Variants in VDAC2 observed in about 807,000 individuals in gnomAD.
VDAC2 encodes the protein non-selective voltage-gated ion channel VDAC2.
In VDAC2, 6 loss-of-function variants were observed where a neutral mutation model predicts 36.6. The observed-to-expected ratio is 0.16, with a 90% CI of 0.09 to 0.32. The LOEUF (loss-of-function observed/expected upper bound fraction) is 0.32, where lower values mean the gene tolerates loss of function less well. Among genes scored for constraint, VDAC2 ranks in the 10% least tolerant of loss-of-function variants. The pLI, the probability that VDAC2 is intolerant of heterozygous loss-of-function variation, is 1.00. For missense variants in VDAC2, 247 were observed against 346.0 expected (o/e 0.71, Z 2.27); for synonymous variants, 109 against 123.8 (o/e 0.88, Z 0.79).
At chr10:75,221,141 T>C in intron 7 of VDAC2, 171 bp downstream of exon 7, 1 of 627,484 alleles carries the variant, frequency 1.6e-6, no homozygotes, top group Non-Finnish European at 2.7e-6. Context: ...TAGAAGACTG[T>C]TAGTCTGACC....
intron 8 of VDAC2, among the ~76,000 whole-genome samples, chr10:75,226,258 CAG>C (rs1203087318): frequency 6.7e-6 from 1 of 149,822 alleles, no homozygotes; most frequent in African/African-American, 2.5e-5. Flanking sequence ...TGTTTGAAAC[CAG>C]GGGGTGGCCT....
chr10:75,217,440 C>T (rs1454077375), intron 4 of VDAC2, among the ~76,000 whole-genome samples: 2 of 152,096 alleles, frequency 1.3e-5, no homozygotes, highest in Non-Finnish European at 2.9e-5. Context: ...TGCAGTGGTG[C>T]CATCTTGGCT....
chr10:75,219,422 G>A (rs910309556), intron 6 of VDAC2, 66 bp downstream of exon 6: 5 of 1,346,884 alleles, frequency 3.7e-6, no homozygotes, highest in Admixed American at 2.1e-5. Flanking sequence ...TTTAGAAAAG[G>A]TGTACATTTA....
intron 2 of VDAC2, chr10:75,211,422 T>A: frequency 6.8e-7 from 1 of 1,463,702 alleles, no homozygotes; most frequent in Non-Finnish European, 9.0e-7. Flanking sequence ...TTTCAGCCTT[T>A]GTACATGTCT....
chr10:75,219,349 A>G lies in VDAC2; in HGVS notation c.349A>G (p.Asn117Asp). The G allele has an allele frequency of 6.3e-7, 1 of 1,598,554 alleles. No homozygotes were observed. ...GACATTTGATACTACCTTCTCACCA[A>G]ACACAGGGTAAGCACAGACATTTTT... ...KLTFDTTFSP[N>D]TGKKSGKIKS... The change falls in exon 6 of 10, where the codon AAC (asparagine) becomes GAC (aspartate). Residue 117 changes from asparagine to aspartate, a missense_variant. By Grantham distance (23) the Asn-to-Asp change is conservative. Transcript: ENST00000332211.
intron 4 of VDAC2, 128 bp downstream of exon 4, chr10:75,214,198 G>T: frequency 1.1e-6 from 1 of 939,812 alleles, no homozygotes; most frequent in East Asian, 2.7e-5. Flanking sequence ...TGTTTTAAGA[G>T]ATTTGCGTGT....
At chr10:75,215,440 C>T (rs1841572734) in intron 4 of VDAC2, among the ~76,000 whole-genome samples, 1 of 151,316 alleles carries the variant, frequency 6.6e-6, no homozygotes, top group Non-Finnish European at 1.5e-5. Flanking sequence ...CAAGCTCCAC[C>T]TCCCAGGTTC....
chr10:75,229,603 T>G, intron 8 of VDAC2, 41 bp from the exon 9 acceptor site: 1 of 1,499,502 alleles, frequency 6.7e-7, no homozygotes, highest in Non-Finnish European at 9.2e-7. Context: ...TTGTCTCTAT[T>G]GAAATATTTT....
intron 4 of VDAC2, among the ~76,000 whole-genome samples, chr10:75,216,911 A>T (rs1841623329): frequency 6.6e-6 from 1 of 152,164 alleles, no homozygotes; most frequent in Non-Finnish European, 1.5e-5. Context: ...AGTTCAATTT[A>T]ATCATTCGGA....
chr10:75,216,178 C>T (rs1476760358), intron 4 of VDAC2, among the ~76,000 whole-genome samples: 1 of 152,092 alleles, frequency 6.6e-6, no homozygotes, highest in Non-Finnish European at 1.5e-5. Context: ...TTAATGTTCC[C>T]ATTGTTAGTC....
At chr10:75,225,318 A>AT (rs1352102904) in intron 8 of VDAC2, among the ~76,000 whole-genome samples, 1 of 152,226 alleles carries the variant, frequency 6.6e-6, no homozygotes, top group African/African-American at 2.4e-5. Flanking sequence ...ACAAAATACA[A>AT]TTTTAAAGAA....
At chr10:75,221,309 G>A (rs1344659868) in intron 7 of VDAC2, among the ~76,000 whole-genome samples, 2 of 152,104 alleles carry the variant, frequency 1.3e-5, no homozygotes, top group Admixed American at 1.3e-4. Flanking sequence ...TGCCTAAAAT[G>A]TATGGTGTTT....
chr10:75,215,384 C>T (rs1841570471), intron 4 of VDAC2, among the ~76,000 whole-genome samples: 1 of 150,114 alleles, frequency 6.7e-6, no homozygotes, highest in South Asian at 2.1e-4. Flanking sequence ...CGGAGTCTTG[C>T]ACTGTCACCC....
chr10:75,211,597 A>G, intron 2 of VDAC2: 1 of 1,550,494 alleles, frequency 6.4e-7, no homozygotes, highest in Non-Finnish European at 8.7e-7. Flanking sequence ...AGCTGGTGTA[A>G]TGAGCTCAGA....
rs1042005900 is a variant in VDAC2, at chr10:75,211,778, C to G, written c.32-452C>G. 20 of 1,285,900 alleles carry G rather than the reference C, an allele frequency of 1.6e-5. 1 individual carries two copies. Among genetic ancestry groups the G allele is most frequent in the Non-Finnish European group, 2.1e-5 (19 of 920,294 alleles). 79.7% of individuals were successfully genotyped at this position (1,285,900 alleles called of 1,614,324 possible). On this transcript the variant is annotated intron_variant, in intron 2 of 9. Coordinates refer to ENST00000332211, the MANE Select transcript of VDAC2 (RefSeq NM_001391963.1). ...CCCAGTATTAAATTCTCTTCCCACT[C>G]CAGGGTGTTGGTTTTCCCCTCAGCG...
chr10:75,213,893 A>G (rs543820516), intron 3 of VDAC2, 128 bp from the exon 4 acceptor site: 1 of 858,762 alleles, frequency 1.2e-6, no homozygotes, highest in East Asian at 2.7e-5. Context: ...TAAATATTGT[A>G]TATTAACACA....
At chr10:75,218,449 T>G (rs1841677632) in intron 4 of VDAC2, among the ~76,000 whole-genome samples, 1 of 152,106 alleles carries the variant, frequency 6.6e-6, no homozygotes, top group African/African-American at 2.4e-5. Context: ...TAAAATCACC[T>G]TAGCAAAACC....
chr10:75,217,562 G>C (rs1590002330), intron 4 of VDAC2, among the ~76,000 whole-genome samples: 1 of 152,214 alleles, frequency 6.6e-6, no homozygotes, highest in East Asian at 1.9e-4. Context: ...ATGTTTAGTA[G>C]AGACGGGGTT....
Position 75,212,226 on chromosome 10 carries a change from C to G in VDAC2, c.32-4C>G. The G allele has an allele frequency of 6.2e-7, 1 of 1,612,460 alleles. No homozygotes were observed. Among genetic ancestry groups the G allele is most frequent in the South Asian group, 1.1e-5 (1 of 90,720 alleles). On this transcript the variant is annotated splice_region_variant and splice_polypyrimidine_tract_variant and intron_variant, in intron 2 of 9. Coordinates refer to ENST00000332211, the MANE Select transcript of VDAC2 (RefSeq NM_001391963.1). ...TTAACACTGGAATGTTTTTTTTCTA[C>G]CAGCAATGTGTATTCCTCCATCATA...
Sources: gnomAD v4.1 joint callset for allele counts (sites outside exome capture counted in the v4.1 genomes callset) on GRCh38, gnomAD v4.1.1 for gene constraint, MANE v1.5 for transcripts, NCBI Gene and HGNC (gene_info 2026-07-23, HGNC 2026-07-21) for gene names.